Variants in CROCC2 observed in about 807,000 individuals in gnomAD.
CROCC2 encodes ciliary rootlet coiled-coil, rootletin family member 2, also known as ciliary rootlet coiled-coil protein 2.
CROCC2 carries 163 observed loss-of-function variants against 177.6 expected under a neutral mutation model. The observed-to-expected ratio is 0.92, with a 90% CI of 0.81 to 1.05. The LOEUF (loss-of-function observed/expected upper bound fraction) is 1.05, where lower values mean the gene tolerates loss of function less well. Among genes scored for constraint, CROCC2 ranks in the 50% least tolerant of loss-of-function variants. The pLI, the probability that CROCC2 is intolerant of heterozygous loss-of-function variation, is 0.00. For missense variants in CROCC2, 1,929 were observed against 1,797.8 expected, an observed-to-expected ratio of 1.07 and a Z score of -1.32; for synonymous variants, 904 against 787.3, an observed-to-expected ratio of 1.15 and a Z score of -2.48.
chr2:240,934,839 C>A, intron 12 of CROCC2, 77 bp from the exon 13 acceptor site: 2 of 1,403,286 alleles, frequency 1.4e-6, no homozygotes. Flanking sequence ...TGGCTCAGGG[C>A]TCACTCCTTT....
intron 19 of CROCC2, chr2:240,957,347 G>A (rs1414783669): frequency 6.6e-6 from 1 of 152,332 alleles, no homozygotes; most frequent in African/African-American, 2.4e-5. Flanking sequence ...CAAGGACGCA[G>A]GGTTGGACAC....
At position 240,982,937 on chromosome 2, in the gene CROCC2, C is replaced by G; in HGVS notation, c.4459C>G (p.Leu1487Val). The part of the protein sequence containing the change: ...LEESRRHSQG[L>V]AKQGKLLEEQ... ...AGAGAGCAGGAGGCACAGCCAAGGTCTGGCCAAGCAGGGGAAGCTGCTGGA... is the reference window on the plus strand; with the variant it reads ...AGAGAGCAGGAGGCACAGCCAAGGTGTGGCCAAGCAGGGGAAGCTGCTGGA... Residue 1487 changes from leucine (L) to valine (V), a missense_variant, in exon 28 of 32, where the codon CTG becomes GTG. Transcript: ENST00000690015. This position sits in a 1 kb window ranked among gnomAD's most constrained non-coding sequence, Gnocchi z 4.7. 6.4e-7 allele frequency: 1 copy of G among 1,550,402 alleles called. No homozygotes were observed. Among genetic ancestry groups the G allele is most frequent in the Non-Finnish European group, 8.7e-7 (1 of 1,146,954 alleles).
rs1246431250 is a variant in CROCC2 at position 240,949,813 on chromosome 2, C to T, written c.2652+111C>T. 17 of 1,189,466 alleles carry T rather than the reference C, an allele frequency of 1.4e-5. No individual in the cohort carries two copies. Among genetic ancestry groups the T allele is most frequent in the African/African-American group, 3.1e-5 (2 of 64,604 alleles). 73.7% of individuals were successfully genotyped at this position (1,189,466 alleles called of 1,614,324 possible). ...GGGAGACAGAGCTCAGAGACATAGG[C>T]GCCTGGCCAGGGCTGGGCAAGGACC... is the stretch of plus-strand genomic sequence containing the variant. On this transcript the variant is annotated intron_variant, in intron 17 of 31. Coordinates refer to ENST00000690015, the MANE Select transcript of CROCC2 (RefSeq NM_001351305.2). This position sits in a 1 kb window ranked among gnomAD's most constrained non-coding sequence, Gnocchi z 4.5.
At chr2:240,980,095 G>A (rs1348431766) in intron 27 of CROCC2, among the ~76,000 whole-genome samples, 8 of 68,656 alleles carry the variant, frequency 1.2e-4, no homozygotes, top group African/African-American at 4.1e-4. Context: ...AGGATCCCAG[G>A]CTCATCCCTG....
chr2:240,945,162 C>T (rs899102777), intron 14 of CROCC2, among the ~76,000 whole-genome samples: 2 of 152,212 alleles, frequency 1.3e-5, no homozygotes, highest in African/African-American at 4.8e-5. Context: ...TCTTGAACTC[C>T]TGACCTCAAG....
chr2:240,993,098 G>C lies in CROCC2; in HGVS notation c.*17G>C. ...AGGGACTGAAGCTCCCAGCACAGGGGAGGCGCCCAGCGTGGCTGCAGAGGA... is the reference window on the plus strand; with the variant it reads ...AGGGACTGAAGCTCCCAGCACAGGGCAGGCGCCCAGCGTGGCTGCAGAGGA... On this transcript the variant is annotated 3_prime_UTR_variant, in exon 32 of 32. Transcript: ENST00000690015. 4 of 716,748 alleles carry C rather than the reference G, an allele frequency of 5.6e-6. No individual in the cohort carries two copies. The highest frequency in any genetic ancestry group is 1.0e-5 in the Non-Finnish European group (4 of 384,648). The allele number at this position is 716,748 out of a possible 1,614,324, so 44.4% of individuals were successfully genotyped here. A position where few individuals can be genotyped will look rare whatever the true frequency, so the allele number is the denominator to read the frequency against.
intron 27 of CROCC2, among the ~76,000 whole-genome samples, chr2:240,970,442 A>G (rs2059712575): frequency 6.6e-6 from 1 of 152,126 alleles, no homozygotes. Context: ...TGTTCATAGG[A>G]CACTTTCTCC....
At chr2:240,969,812 C>A (rs2059709140) in intron 27 of CROCC2, among the ~76,000 whole-genome samples, 1 of 152,180 alleles carries the variant, frequency 6.6e-6, no homozygotes, top group Non-Finnish European at 1.5e-5. Context: ...CTCACAGCAA[C>A]CTCCGCCTCC....
intron 1 of CROCC2, among the ~76,000 whole-genome samples, chr2:240,914,963 G>C (rs2059310460): frequency 6.6e-6 from 1 of 152,238 alleles, no homozygotes; most frequent in African/African-American, 2.4e-5. Flanking sequence ...ATGGGAATCA[G>C]CGCAAGAGCG....
chr2:240,983,545 G>A (rs2059816337), intron 28 of CROCC2: 1 of 1,273,370 alleles, frequency 7.9e-7, no homozygotes. Flanking sequence ...GTCTGCAGGG[G>A]GAGCTCGCGG....
chr2:240,976,643 C>G (rs1311613882), intron 27 of CROCC2, among the ~76,000 whole-genome samples: 5 of 96,360 alleles, frequency 5.2e-5, no homozygotes, highest in African/African-American at 1.8e-4. Context: ...CATCCCTGCT[C>G]AAGCTCTGGG....
chr2:240,922,548 C>A lies in CROCC2; in HGVS notation c.391C>A (p.Arg131=), dbSNP rs774154271. The A allele has an allele frequency of 1.4e-6, 1 of 694,654 alleles. No individual in the cohort carries two copies. The highest frequency in any genetic ancestry group is 2.0e-5 in the Admixed American group (1 of 49,074). 43.0% of individuals were successfully genotyped at this position (694,654 alleles called of 1,614,324 possible). A position where few individuals can be genotyped will look rare whatever the true frequency, so the allele number is the denominator to read the frequency against. ...CRVVSEQLQA[R]LETTEAQLRR... ...TATTGCTCCTCCCCAGCTGCAGGCC[C>A]GGCTGGAGACCACCGAGGCTCAGCT... is the stretch of plus-strand genomic sequence containing the variant. Residue 131 remains arginine (R), a synonymous_variant, in exon 4 of 32, where the codon CGG becomes AGG. Transcript: ENST00000690015.
chr2:240,910,431 A>C (rs2059280201), intron 1 of CROCC2, among the ~76,000 whole-genome samples: 1 of 148,988 alleles, frequency 6.7e-6, no homozygotes. Flanking sequence ...TGTCCATTAC[A>C]TCCAAATTTT....
At chr2:240,989,390 C>A (rs1360280779) in intron 29 of CROCC2, among the ~76,000 whole-genome samples, 1 of 152,158 alleles carries the variant, frequency 6.6e-6, no homozygotes, top group Admixed American at 6.5e-5. Flanking sequence ...CCAAAAGGAA[C>A]CTGGGGTGCC....
intron 18 of CROCC2, chr2:240,955,556 T>G: frequency 9.1e-6 from 3 of 330,566 alleles, no homozygotes; most frequent in African/African-American, 2.1e-5. Context: ...AAGGGCAGGA[T>G]TTTAGACAGG....
intron 27 of CROCC2, among the ~76,000 whole-genome samples, chr2:240,975,290 A>C (rs1327456886): frequency 1.1e-4 from 17 of 152,270 alleles, no homozygotes; most frequent in Non-Finnish European, 2.5e-4. Context: ...CTGGCACCAG[A>C]CCCTGCCCTC....
chr2:240,954,077 C>A (rs751066911), intron 18 of CROCC2, among the ~76,000 whole-genome samples: 1 of 152,152 alleles, frequency 6.6e-6, no homozygotes, highest in Non-Finnish European at 1.5e-5. Flanking sequence ...TCCAGCCGAG[C>A]AAAACAAGCA....
chr2:240,920,272 G>A (rs1259508406), intron 3 of CROCC2, 138 bp downstream of exon 3: 4 of 582,408 alleles, frequency 6.9e-6, no homozygotes, highest in South Asian at 2.0e-5. Context: ...TGTCAGCCAC[G>A]TGACATTCAA....
chr2:240,971,670 A>C (rs2106483432), intron 27 of CROCC2, among the ~76,000 whole-genome samples: 1 of 152,128 alleles, frequency 6.6e-6, no homozygotes, highest in Non-Finnish European at 1.5e-5. Context: ...TTGCAGAATC[A>C]AATCTACCTT....
Sources: gnomAD v4.1 joint callset for allele counts (sites outside exome capture counted in the v4.1 genomes callset) on GRCh38, gnomAD v4.1.1 for gene constraint, Gnocchi (gnomAD v3.1) non-coding constraint, MANE v1.5 for transcripts, NCBI Gene and HGNC (gene_info 2026-07-23, HGNC 2026-07-21) for gene names.